PRKN: variants seen among roughly 807,000 people sequenced by gnomAD.
PRKN encodes E3 ubiquitin-protein ligase parkin.
A neutral mutation model predicts 59.5 loss-of-function variants in PRKN; 56 were observed. The observed-to-expected ratio is 0.94, with a 90% CI of 0.76 to 1.18. PRKN has a LOEUF of 1.18. Among genes scored for constraint, PRKN ranks in the 50% most tolerant of loss-of-function variants. PRKN has a pLI of 0.00. For synonymous variants in PRKN, 250 were observed against 222.1 expected, an observed-to-expected ratio of 1.13 and a Z score of -1.12; for missense variants, 657 against 596.4, an observed-to-expected ratio of 1.10 and a Z score of -1.06.
At chr6:162,564,385 A>G (rs1779975655) in intron 1 of PRKN, among the ~76,000 whole-genome samples, 1 of 152,144 alleles carries the variant, frequency 6.6e-6, no homozygotes, top group Non-Finnish European at 1.5e-5. Context: ...TAATTGGCCT[A>G]TTGGCCTTAA....
intron 5 of PRKN, among the ~76,000 whole-genome samples, chr6:162,035,925 T>G (rs2128280491): frequency 6.6e-6 from 1 of 152,364 alleles, no homozygotes; most frequent in South Asian, 2.1e-4. Context: ...ATCAAATATT[T>G]AAATGTTTTA....
chr6:162,073,211 T>G (rs988316905), intron 4 of PRKN, among the ~76,000 whole-genome samples: 8 of 152,192 alleles, frequency 5.3e-5, no homozygotes, highest in African/African-American at 1.4e-4. Flanking sequence ...AGAATTGTAC[T>G]CACGCTTACT....
rs1454377891 is a variant in PRKN, at chr6:161,588,820, C to T, written c.872-19404G>A. ...TAATTTTGGCACAAGCCTAGGACTG[C>T]CAGATTTAGCAAATAAAAATACAGG... is the stretch of plus-strand genomic sequence containing the variant. On this transcript the variant is annotated intron_variant, in intron 7 of 11. Coordinates refer to ENST00000366898, the MANE Select transcript of PRKN (RefSeq NM_004562.3). The surrounding 1 kb of genome is among the most constrained non-coding windows in gnomAD (Gnocchi z 5.0). Among the ~76,000 whole-genome samples the T allele has an allele frequency of 6.6e-6, 1 of 151,992 alleles. No homozygotes were observed. Among genetic ancestry groups the T allele is most frequent in the African/African-American group, 2.4e-5 (1 of 41,410 alleles).
At chr6:162,074,392 A>C in intron 4 of PRKN, among the ~76,000 whole-genome samples, 1 of 135,820 alleles carries the variant, frequency 7.4e-6, no homozygotes. Context: ...AAAAAACCAA[A>C]CACCACATAT....
At chr6:162,435,179 C>G (rs1465228737) in intron 2 of PRKN, among the ~76,000 whole-genome samples, 2 of 152,074 alleles carry the variant, frequency 1.3e-5, no homozygotes, top group African/African-American at 4.8e-5. Flanking sequence ...AAGATGCATC[C>G]TATGTTAAGA....
chr6:162,544,224 A>G (rs1249899965), intron 1 of PRKN, among the ~76,000 whole-genome samples: 1 of 152,192 alleles, frequency 6.6e-6, no homozygotes, highest in East Asian at 1.9e-4. Flanking sequence ...GATGCTCATA[A>G]AATAACACAA....
At chr6:162,499,213 T>C (rs955477043) in intron 1 of PRKN, among the ~76,000 whole-genome samples, 2 of 152,262 alleles carry the variant, frequency 1.3e-5, no homozygotes, top group Non-Finnish European at 1.5e-5. Context: ...CATGCCTCTG[T>C]AAATCTTGTC....
At chr6:162,546,051 T>C (rs927202359) in intron 1 of PRKN, among the ~76,000 whole-genome samples, 16 of 151,000 alleles carry the variant, frequency 1.1e-4, no homozygotes, top group Admixed American at 2.0e-4. Flanking sequence ...TCTTAAGTTA[T>C]AAAAGTTAAA....
At chr6:161,669,150 A>C (rs1210389488) in intron 7 of PRKN, among the ~76,000 whole-genome samples, 1 of 152,152 alleles carries the variant, frequency 6.6e-6, no homozygotes, top group African/African-American at 2.4e-5. Context: ...ACAATCCTTT[A>C]CAAACAAGGA....
At chr6:161,723,859 A>G (rs539167582) in intron 7 of PRKN, among the ~76,000 whole-genome samples, 1 of 152,094 alleles carries the variant, frequency 6.6e-6, no homozygotes, top group African/African-American at 2.4e-5. Flanking sequence ...GGTTCAGCAG[A>G]CCTGTTCTGC....
intron 2 of PRKN, among the ~76,000 whole-genome samples, chr6:162,334,853 T>C (rs750319605): frequency 6.6e-6 from 1 of 152,054 alleles, no homozygotes; most frequent in Non-Finnish European, 1.5e-5. Context: ...AATTAGAAGA[T>C]TTGGATTCCA....
chr6:162,459,163 C>A (rs576918538), intron 1 of PRKN, among the ~76,000 whole-genome samples: 6 of 152,228 alleles, frequency 3.9e-5, no homozygotes, highest in Non-Finnish European at 8.8e-5. Flanking sequence ...ATTACTGATT[C>A]ATGCATTAAA....
chr6:162,454,749 G>A (rs549661036), intron 1 of PRKN, among the ~76,000 whole-genome samples: 7 of 152,188 alleles, frequency 4.6e-5, no homozygotes, highest in Middle Eastern at 3.4e-3. Flanking sequence ...GCTTCCCTTC[G>A]AAATCAACAT....
intron 3 of PRKN, among the ~76,000 whole-genome samples, chr6:162,233,368 A>G (rs1778505598): frequency 6.6e-6 from 1 of 152,224 alleles, no homozygotes; most frequent in Non-Finnish European, 1.5e-5. Flanking sequence ...CATATCTCGT[A>G]ATTCAGATTG....
intron 1 of PRKN, among the ~76,000 whole-genome samples, chr6:162,510,708 G>A (rs1407056353): frequency 1.3e-5 from 2 of 152,082 alleles, no homozygotes; most frequent in Non-Finnish European, 2.9e-5. Flanking sequence ...GATCACTTGA[G>A]GTCAAGAGTT....
chr6:162,556,342 G>GCT (rs1554243354), intron 1 of PRKN, among the ~76,000 whole-genome samples: 1 of 57,300 alleles, frequency 1.7e-5, no homozygotes, highest in Non-Finnish European at 3.3e-5. Context: ...CTACTCAGCT[G>GCT]GTGTGTGTGT....
intron 9 of PRKN, among the ~76,000 whole-genome samples, chr6:161,415,994 C>T (rs1178749772): frequency 2.6e-5 from 4 of 152,112 alleles, no homozygotes; most frequent in Non-Finnish European, 2.9e-5. Context: ...TTACTCAAAT[C>T]GCACCTTCTC....
chr6:162,423,930 C>T (rs1368778575), intron 2 of PRKN, among the ~76,000 whole-genome samples: 3 of 152,066 alleles, frequency 2.0e-5, no homozygotes, highest in Admixed American at 2.0e-4. Context: ...ACATTTATTT[C>T]CACACAAAAA....
Position 162,094,071 on chromosome 6 carries a change from G to C in PRKN, c.535-39897C>G, listed in dbSNP as rs570480947. On this transcript the variant is annotated intron_variant, in intron 4 of 11. Coordinates refer to ENST00000366898, the MANE Select transcript of PRKN (RefSeq NM_004562.3). ...CTGGGCAGTGGTTCCATTTGTCTGA[G>C]CGAGGCAGCACGTCGAGATGAGACG... is the stretch of plus-strand genomic sequence containing the variant. 2.0e-5 allele frequency among the ~76,000 whole-genome samples: 3 copies of C among 152,284 alleles called. No homozygotes were observed. The East Asian group carries it at 5.8e-4, about 29-fold the overall frequency.
Sources: allele counts gnomAD v4.1 joint callset (sites outside exome capture counted in the v4.1 genomes callset), GRCh38; gene constraint gnomAD v4.1.1; non-coding constraint Gnocchi (gnomAD v3.1); transcripts MANE v1.5; gene names NCBI Gene and HGNC (gene_info 2026-07-23, HGNC 2026-07-21).